The following DMXL2 variants were observed in gnomAD, a reference collection of about 807,000 sequenced individuals.
DMXL2 encodes Dmx like 2, also known as dmX-like protein 2.
Under a neutral mutation model 331.1 loss-of-function variants are expected in DMXL2, and 103 were observed. The observed-to-expected ratio is 0.31, with a 90% CI of 0.27 to 0.37. The LOEUF is 0.37. Among genes scored for constraint, DMXL2 ranks in the 10% least tolerant of loss-of-function variants. DMXL2 has a pLI of 1.00. For missense variants in DMXL2, 3,171 were observed against 3,642.9 expected (o/e 0.87, Z 3.33); for synonymous variants, 1,281 against 1,252.1 (o/e 1.02, Z -0.49).
At chr15:51,476,507 C>A in intron 27 of DMXL2, 82 bp downstream of exon 27, 1 of 1,484,786 alleles carries the variant, frequency 6.7e-7, no homozygotes, top group Admixed American at 2.2e-5. Flanking sequence ...AATCCAGCAA[C>A]AAGCAGGAAA....
chr15:51,519,381 G>A (rs1462250242), intron 13 of DMXL2, among the ~76,000 whole-genome samples: 2 of 151,902 alleles, frequency 1.3e-5, no homozygotes, highest in African/African-American at 4.8e-5. Context: ...GCCTCCCAAA[G>A]CACTGGGATT....
At chr15:51,469,877 TG>T (rs1172777683) in intron 29 of DMXL2, among the ~76,000 whole-genome samples, 1 of 152,148 alleles carries the variant, frequency 6.6e-6, no homozygotes, top group Non-Finnish European at 1.5e-5. Context: ...AGAATGACTC[TG>T]GAAGTATAAC....
In DMXL2 at chr15:51,457,439, G is replaced by A. The variant is rs763872573; in HGVS notation, c.8226C>T (p.Ser2742=). The A allele has an allele frequency of 1.4e-4, 225 of 1,613,994 alleles. No homozygotes were observed. The highest frequency in any genetic ancestry group is 1.8e-4 in the Non-Finnish European group (216 of 1,180,004). Reference sequence around the variant, plus strand: ...CACTGGGTTGATAAAGAGTTGTAGTGGAACCACGATAATCAACATCATCTG... The same window carrying A: ...CACTGGGTTGATAAAGAGTTGTAGTAGAACCACGATAATCAACATCATCTG... ...KSSDDVDYRG[S]TTTLYQPSAT... The change falls in exon 37 of 44, where the codon TCC becomes TCT. Residue 2742 remains serine, a synonymous_variant. Transcript: ENST00000560891.
At chr15:51,594,299 A>G (rs1052252652) in intron 1 of DMXL2, among the ~76,000 whole-genome samples, 1 of 152,200 alleles carries the variant, frequency 6.6e-6, no homozygotes, top group Non-Finnish European at 1.5e-5. Flanking sequence ...CTACACAAAT[A>G]AACTAGAAAA....
At chr15:51,478,648 C>T (rs7180329) in intron 25 of DMXL2, among the ~76,000 whole-genome samples, 28,705 of 151,930 alleles carry the variant, frequency 0.19, 3,063 homozygotes, top group Non-Finnish European at 0.24. Flanking sequence ...TTGTCCTACC[C>T]TAACAATTAG....
chr15:51,503,330 T>G (rs1203904718), intron 16 of DMXL2, among the ~76,000 whole-genome samples: 1 of 152,108 alleles, frequency 6.6e-6, no homozygotes, highest in East Asian at 1.9e-4. Flanking sequence ...TAAGTATCCA[T>G]CAATGAATAA....
intron 1 of DMXL2, among the ~76,000 whole-genome samples, chr15:51,620,118 G>A (rs894655364): frequency 6.6e-6 from 1 of 151,980 alleles, no homozygotes; most frequent in African/African-American, 2.4e-5. Context: ...AGGAACTTAA[G>A]TATTTGTTAG....
Position 51,457,333 on chromosome 15 carries a change from T to A in DMXL2, c.8332A>T (p.Ser2778Cys), listed in dbSNP as rs137986504. Residue 2778 changes from serine (S) to cysteine (C), a missense_variant, in exon 37 of 44, where the codon AGT becomes TGT. Around this residue, in one of 7 missense-constraint regions of DMXL2, gnomAD observed 766 missense variants for 940.5 expected, o/e 0.81. Coordinates refer to ENST00000560891, the MANE Select transcript of DMXL2 (RefSeq NM_001378457.1). ...CCTATAAGTAAATAACATACCACAC[T>A]AGCTCCAGTGCTAGTCTGTCCAGTG... ...LGTGQTSTGA[S>C]VLMKRNLHNV... 85 of 1,613,186 alleles carry A rather than the reference T, an allele frequency of 5.3e-5. No individual in the cohort carries two copies. Among genetic ancestry groups the A allele is most frequent in the Non-Finnish European group, 6.9e-5 (81 of 1,179,800 alleles).
chr15:51,452,080 T>C (rs887133488), intron 41 of DMXL2, among the ~76,000 whole-genome samples: 2 of 152,186 alleles, frequency 1.3e-5, no homozygotes, highest in East Asian at 3.8e-4. Flanking sequence ...TTGAGAATGA[T>C]GGGGACAGTG....
At chr15:51,500,746 C>T (rs2043532886) in intron 17 of DMXL2, among the ~76,000 whole-genome samples, 1 of 152,194 alleles carries the variant, frequency 6.6e-6, no homozygotes, top group Non-Finnish European at 1.5e-5. Context: ...ACCAATAGAT[C>T]TTACCCATTT....
intron 10 of DMXL2, 106 bp downstream of exon 10, chr15:51,538,107 A>G (rs2048383895): frequency 1.4e-6 from 2 of 1,386,482 alleles, no homozygotes; most frequent in African/African-American, 2.9e-5. Context: ...AACAAATAGA[A>G]AAGTAAAAAG....
At chr15:51,614,259 T>C (rs934942924) in intron 1 of DMXL2, among the ~76,000 whole-genome samples, 1 of 152,132 alleles carries the variant, frequency 6.6e-6, no homozygotes. Context: ...ACTTCCAAAC[T>C]CCAGAACTGT....
At chr15:51,556,476 A>G (rs1171543420) in intron 6 of DMXL2, among the ~76,000 whole-genome samples, 1 of 152,050 alleles carries the variant, frequency 6.6e-6, no homozygotes, top group Non-Finnish European at 1.5e-5. Context: ...CATCTTATTA[A>G]AAAATTAAAA....
At chr15:51,476,509 A>G (rs2041593454) in intron 27 of DMXL2, 80 bp downstream of exon 27, 13 of 1,493,940 alleles carry the variant, frequency 8.7e-6, no homozygotes, top group Non-Finnish European at 1.8e-6. Flanking sequence ...TCCAGCAACA[A>G]GCAGGAAACT....
chr15:51,550,151 T>A (rs1470412742), intron 6 of DMXL2, among the ~76,000 whole-genome samples: 3 of 152,066 alleles, frequency 2.0e-5, no homozygotes, highest in African/African-American at 7.2e-5. Context: ...TGATACACCA[T>A]ATAAACAGAA....
At chr15:51,501,619 C>T (rs1286119806) in intron 17 of DMXL2, among the ~76,000 whole-genome samples, 2 of 152,184 alleles carry the variant, frequency 1.3e-5, no homozygotes, top group Non-Finnish European at 2.9e-5. Flanking sequence ...AGACACCTCA[C>T]ATTAAAATAT....
At chr15:51,494,928 A>T (rs1391140217) in intron 19 of DMXL2, 96 bp downstream of exon 19, 7 of 783,474 alleles carry the variant, frequency 8.9e-6, no homozygotes, top group Non-Finnish European at 1.3e-5. Context: ...GTGTGCACGT[A>T]ATGACTTACC....
intron 41 of DMXL2, 134 bp from the exon 42 acceptor site, chr15:51,451,831 G>T (rs2039169974): frequency 2.9e-6 from 2 of 680,016 alleles, no homozygotes; most frequent in Admixed American, 5.4e-5. Context: ...CCTATAGAGA[G>T]TAGTGATTCC....
At chr15:51,530,241 CAAAA>C (rs925544712) in intron 13 of DMXL2, among the ~76,000 whole-genome samples, 7 of 151,886 alleles carry the variant, frequency 4.6e-5, no homozygotes, top group Non-Finnish European at 8.8e-5. Flanking sequence ...GGCAATCAGA[CAAAA>C]GAAAGATATA....
Sources: gnomAD v4.1 joint callset for allele counts (sites outside exome capture counted in the v4.1 genomes callset) on GRCh38, gnomAD v4.1.1 for gene constraint, gnomAD v4.1.1 regional missense constraint, MANE v1.5 for transcripts, NCBI Gene and HGNC (gene_info 2026-07-23, HGNC 2026-07-21) for gene names.